The following EBF2 variants were observed in gnomAD, a reference collection of about 807,000 sequenced individuals.
EBF2 encodes the protein transcription factor COE2.
Under a neutral mutation model 72.8 loss-of-function variants are expected in EBF2, and 21 were observed. The observed-to-expected ratio is 0.29, with a 90% CI of 0.20 to 0.42. The LOEUF is 0.42. Ranked by LOEUF, EBF2 falls within the 10% of genes least tolerant of loss-of-function variation. EBF2 has a pLI of 1.00. For missense variants in EBF2, 637 were observed against 731.2 expected (o/e 0.87, Z 1.49); for synonymous variants, 299 against 274.2 (o/e 1.09, Z -0.89).
chr8:25,898,197 A>G (rs2117302038), intron 7 of EBF2, among the ~76,000 whole-genome samples: 1 of 152,368 alleles, frequency 6.6e-6, no homozygotes, highest in South Asian at 2.1e-4. Flanking sequence ...AAGAATCAGC[A>G]TAAATTGAAG....
chr8:25,980,897 G>C (rs146434778), intron 6 of EBF2, among the ~76,000 whole-genome samples: 423 of 3,508 alleles, frequency 0.12, 1 homozygote, highest in African/African-American at 0.31. Context: ...GCACTGTGGT[G>C]GGGGGTGACC....
At chr8:25,959,928 C>G (rs550496937) in intron 6 of EBF2, among the ~76,000 whole-genome samples, 2 of 152,242 alleles carry the variant, frequency 1.3e-5, no homozygotes, top group South Asian at 4.2e-4. Context: ...GATGAGACAC[C>G]AACAGCTCAG....
chr8:25,850,910 C>CAA, intron 14 of EBF2, 149 bp from the exon 15 acceptor site: 3 of 809,782 alleles, frequency 3.7e-6, no homozygotes, highest in Non-Finnish European at 5.5e-6. Context: ...TGACAACATT[C>CAA]CCACCATGTC....
At chr8:25,865,921 A>T (rs1302465845) in intron 10 of EBF2, among the ~76,000 whole-genome samples, 2 of 151,766 alleles carry the variant, frequency 1.3e-5, no homozygotes, top group African/African-American at 4.8e-5. Context: ...GCTACTCGGG[A>T]GGCTGAGGCA....
rs773934792 is a variant in EBF2, at chr8:26,031,810, C to G, written c.551+1275G>C. ...CACAACCACGGGCAAGTCATGCCAC[C>G]GCTCAGCGTTCAGATTTTTCAGCTA... On this transcript the variant is annotated intron_variant, in intron 6 of 15. Coordinates refer to ENST00000520164, the MANE Select transcript of EBF2 (RefSeq NM_022659.4). 20 of 152,112 alleles carry G rather than the reference C, an allele frequency of 1.3e-4. 1 individual carries two copies. Among genetic ancestry groups the G allele is most frequent in the Non-Finnish European group, 2.5e-4 (17 of 68,022 alleles). The allele number at this position is 152,112 out of a possible 1,614,324, so 9.4% of individuals were successfully genotyped here. A position where few individuals can be genotyped will look rare whatever the true frequency, so the allele number is the denominator to read the frequency against.
intron 10 of EBF2, among the ~76,000 whole-genome samples, chr8:25,886,156 C>T (rs1473091421): frequency 4.6e-5 from 7 of 152,180 alleles, no homozygotes; most frequent in African/African-American, 1.7e-4. Flanking sequence ...TTCCATTCAT[C>T]GGAATTACCA....
intron 6 of EBF2, among the ~76,000 whole-genome samples, chr8:25,998,309 G>A (rs544075317): frequency 6.6e-5 from 10 of 152,312 alleles, no homozygotes; most frequent in African/African-American, 1.9e-4. Flanking sequence ...CAAGCAATAG[G>A]TGTGAAGGAA....
At chr8:25,986,027 T>TAAAAAAAAAAAAAAAAAA (rs1486130098) in intron 6 of EBF2, among the ~76,000 whole-genome samples, 2 of 29,156 alleles carry the variant, frequency 6.9e-5, no homozygotes, top group African/African-American at 1.3e-4. Context: ...AAAAAAAAAG[T>TAAAAAAAAAAAAAAAAAA]ACATGAGGGG....
At chr8:26,009,245 TTC>T (rs1457502487) in intron 6 of EBF2, among the ~76,000 whole-genome samples, 1 of 152,176 alleles carries the variant, frequency 6.6e-6, no homozygotes, top group African/African-American at 2.4e-5. Flanking sequence ...TGCCTGAGTT[TTC>T]TCTTTTTTTC....
chr8:25,869,965 C>T (rs940813707), intron 10 of EBF2, among the ~76,000 whole-genome samples: 11 of 152,184 alleles, frequency 7.2e-5, no homozygotes, highest in African/African-American at 2.7e-4. Context: ...TGCTCTTAAC[C>T]TTTCCTGCTG....
At chr8:25,992,106 C>CT (rs917442629) in intron 6 of EBF2, among the ~76,000 whole-genome samples, 1 of 151,800 alleles carries the variant, frequency 6.6e-6, no homozygotes, top group African/African-American at 2.4e-5. Flanking sequence ...TTTAGGCTCA[C>CT]TGCAACCTCC....
In EBF2 at chr8:26,020,017, C is replaced by T. The variant is rs115906404; in HGVS notation, c.551+13068G>A. Among the ~76,000 whole-genome samples the T allele has an allele frequency of 3.8e-3, 581 of 152,172 alleles. 5 individuals carry two copies. Among genetic ancestry groups the T allele is most frequent in the African/African-American group, 0.013 (551 of 41,536 alleles). On this transcript the variant is annotated intron_variant, in intron 6 of 15. Coordinates refer to ENST00000520164, the MANE Select transcript of EBF2 (RefSeq NM_022659.4). ...GGTGTGCCCATGTGTAGGCAGGTGC[C>T]AACCATCAAAGGTGGAGCAGGTCAG...
intron 6 of EBF2, among the ~76,000 whole-genome samples, chr8:26,020,680 G>A (rs931016728): frequency 6.6e-6 from 1 of 152,170 alleles, no homozygotes; most frequent in African/African-American, 2.4e-5. Context: ...AGTAGAGGAA[G>A]CAGGGGTGGG....
chr8:25,925,625 A>G (rs1803373295), intron 6 of EBF2, among the ~76,000 whole-genome samples: 1 of 152,070 alleles, frequency 6.6e-6, no homozygotes, highest in Admixed American at 6.6e-5. Flanking sequence ...GTGTCTACGC[A>G]TGTGTGTGTG....
rs187801787 is a variant in EBF2 at position 25,989,814 on chromosome 8, A to G, written c.551+43271T>C. ...GAGCCATGGGTGGCCTTGCTCCTAT[A>G]CTCACCAGTGAGTAAACATCAGAAG... On this transcript the variant is annotated intron_variant, in intron 6 of 15. Transcript: ENST00000520164. 2.5e-3 allele frequency among the ~76,000 whole-genome samples: 378 copies of G among 152,262 alleles called. 1 individual carries two copies. The highest frequency in any genetic ancestry group is 4.4e-3 in the Non-Finnish European group (302 of 68,018).
chr8:25,842,327 G>C lies in EBF2; in HGVS notation c.*2282C>G, dbSNP rs770107020. The stretch of plus-strand genomic sequence containing the variant: ...TCTAGCTGAATGGTCAAGATGTCTG[G>C]TATTTAGTTACACGCATTTTTCGGT... On this transcript the variant is annotated 3_prime_UTR_variant, in exon 16 of 16. Coordinates refer to ENST00000520164, the MANE Select transcript of EBF2 (RefSeq NM_022659.4). 6.6e-6 allele frequency: 1 copy of C among 152,092 alleles called. No homozygotes were observed. The highest frequency in any genetic ancestry group is 1.5e-5 in the Non-Finnish European group (1 of 68,020). The allele number at this position is 152,092 out of a possible 1,614,324, so 9.4% of individuals were successfully genotyped here.
chr8:25,879,284 A>T (rs974489224), intron 10 of EBF2, among the ~76,000 whole-genome samples: 4 of 152,208 alleles, frequency 2.6e-5, no homozygotes, highest in African/African-American at 7.2e-5. Flanking sequence ...AAAGTGTAGA[A>T]GATGTTCCAT....
intron 6 of EBF2, among the ~76,000 whole-genome samples, chr8:25,951,588 G>A (rs1455575036): frequency 6.6e-6 from 1 of 152,296 alleles, no homozygotes; most frequent in East Asian, 1.9e-4. Context: ...AGGACTCTCT[G>A]AGAACCTGGA....
chr8:26,039,008 C>T (rs79682111), intron 5 of EBF2, among the ~76,000 whole-genome samples: 3,354 of 152,246 alleles, frequency 0.022, 127 homozygotes, highest in African/African-American at 0.076. Context: ...GAGACTTTCC[C>T]TCCAATCAAA....
Sources: allele counts gnomAD v4.1 joint callset (sites outside exome capture counted in the v4.1 genomes callset), GRCh38; gene constraint gnomAD v4.1.1; transcripts MANE v1.5; gene names NCBI Gene and HGNC (gene_info 2026-07-23, HGNC 2026-07-21).